CDK17: variants seen among roughly 807,000 people sequenced by gnomAD.
The protein encoded by CDK17 is cyclin dependent kinase 17.
Under a neutral mutation model 77.6 loss-of-function variants are expected in CDK17, and 24 were observed. That is an observed-to-expected ratio of 0.31 (90% CI 0.22 to 0.44). CDK17 has a LOEUF of 0.44. Ranked by LOEUF, CDK17 falls within the 20% of genes least tolerant of loss-of-function variation. The probability of loss-of-function intolerance (pLI) is 1.00; values close to 1 mark genes in which losing one functional copy is unlikely to be tolerated. For missense variants in CDK17, 429 were observed against 622.5 expected, an observed-to-expected ratio of 0.69 and a Z score of 3.31; for synonymous variants, 203 against 210.4, an observed-to-expected ratio of 0.96 and a Z score of 0.30.
At chr12:96,381,354 A>T (rs1953875888) in intron 1 of CDK17, among the ~76,000 whole-genome samples, 1 of 98,624 alleles carries the variant, frequency 1.0e-5, no homozygotes, top group Non-Finnish European at 2.0e-5. Flanking sequence ...GTACAAAACC[A>T]TTTTTTCCTA....
intron 2 of CDK17, among the ~76,000 whole-genome samples, chr12:96,329,551 C>T (rs991632077): frequency 3.3e-5 from 5 of 152,170 alleles, no homozygotes. Flanking sequence ...TCCTCCCAAA[C>T]CTGCTCTTTC....
chr12:96,335,082 T>A, intron 1 of CDK17: 1 of 604,230 alleles, frequency 1.7e-6, no homozygotes, highest in South Asian at 1.5e-5. Flanking sequence ...AGGAATTCCA[T>A]GTAACTAAAG....
chr12:96,393,499 G>A (rs1359125536), intron 1 of CDK17, among the ~76,000 whole-genome samples: 3 of 151,814 alleles, frequency 2.0e-5, no homozygotes, highest in Admixed American at 1.3e-4. Flanking sequence ...TTGGGAGGCT[G>A]AGGCAGGCAG....
intron 1 of CDK17, among the ~76,000 whole-genome samples, chr12:96,361,056 G>T (rs149529116): frequency 2.0e-5 from 3 of 152,306 alleles, no homozygotes; most frequent in Middle Eastern, 3.4e-3. Flanking sequence ...AAAACTCAGA[G>T]GCTTGAAGGA....
intron 2 of CDK17, among the ~76,000 whole-genome samples, chr12:96,334,403 T>A (rs571721101): frequency 1.3e-5 from 2 of 152,284 alleles, no homozygotes; most frequent in African/African-American, 4.8e-5. Flanking sequence ...ATAAAAAAAA[T>A]TAATAGTTAT....
intron 10 of CDK17, among the ~76,000 whole-genome samples, chr12:96,294,090 A>ATT (rs1838011969): frequency 6.6e-6 from 1 of 152,204 alleles, no homozygotes; most frequent in Non-Finnish European, 1.5e-5. Context: ...GTGCACTCAA[A>ATT]TAATCACATG....
chr12:96,324,202 G>C (rs1395244223), intron 2 of CDK17, 90 bp from the exon 3 acceptor site: 2 of 942,152 alleles, frequency 2.1e-6, no homozygotes, highest in Admixed American at 3.1e-5. Context: ...ACAAAAAGTT[G>C]TAACAGAGAT....
chr12:96,373,504 G>A (rs1953727130), intron 1 of CDK17, among the ~76,000 whole-genome samples: 1 of 152,158 alleles, frequency 6.6e-6, no homozygotes, highest in Non-Finnish European at 1.5e-5. Flanking sequence ...TGAGGCAGGG[G>A]AATCACTTTG....
chr12:96,317,132 A>G (rs1952741475), intron 3 of CDK17, among the ~76,000 whole-genome samples: 1 of 146,912 alleles, frequency 6.8e-6, no homozygotes, highest in Admixed American at 6.8e-5. Context: ...GGAGCTGAAA[A>G]CCAAGGCTCG....
rs954283140 is a variant in CDK17, at chr12:96,332,306, A to G, written c.118+2413T>C. ...ATGCATCCCCACTGTTAAGCAATGC[A>G]TGACTGTATATTCCTCCTACTCCTT... On this transcript the variant is annotated intron_variant, in intron 2 of 16. Coordinates refer to ENST00000261211, the MANE Select transcript of CDK17 (RefSeq NM_002595.5). 5.9e-5 allele frequency among the ~76,000 whole-genome samples: 9 copies of G among 152,356 alleles called. No homozygotes were observed. The South Asian group carries it at 1.7e-3, about 28-fold the overall frequency.
At chr12:96,335,150 T>C (rs1226367336) in intron 1 of CDK17, 1 of 451,278 alleles carries the variant, frequency 2.2e-6, no homozygotes, top group African/African-American at 2.0e-5. Context: ...TCTTAAAATG[T>C]GTATTTTAAA....
At chr12:96,367,725 T>C (rs1953610738) in intron 1 of CDK17, among the ~76,000 whole-genome samples, 1 of 151,884 alleles carries the variant, frequency 6.6e-6, no homozygotes, top group Admixed American at 6.6e-5. Flanking sequence ...GTAAAACTTT[T>C]ATATTAATGA....
At chr12:96,394,598 T>C (rs1031626302) in intron 1 of CDK17, among the ~76,000 whole-genome samples, 2 of 151,960 alleles carry the variant, frequency 1.3e-5, no homozygotes, top group Non-Finnish European at 2.9e-5. Flanking sequence ...ACAGATCACC[T>C]GAGGTCAGGA....
At chr12:96,386,534 G>GT (rs1402575021) in intron 1 of CDK17, among the ~76,000 whole-genome samples, 4 of 151,946 alleles carry the variant, frequency 2.6e-5, no homozygotes, top group African/African-American at 4.8e-5. Context: ...GGCGGCACCT[G>GT]TAAGTCCCAG....
intron 12 of CDK17, 58 bp downstream of exon 12, chr12:96,286,606 C>A: frequency 8.6e-7 from 1 of 1,165,542 alleles, no homozygotes; most frequent in Non-Finnish European, 1.3e-6. Context: ...GAGATACAGT[C>A]TTATCCAGCT....
intron 1 of CDK17, among the ~76,000 whole-genome samples, chr12:96,350,420 T>C (rs572840424): frequency 6.6e-6 from 1 of 151,360 alleles, no homozygotes; most frequent in Non-Finnish European, 1.5e-5. Flanking sequence ...TTGAATAGTT[T>C]TGAACTAGAA....
chr12:96,347,295 G>A (rs1953229271), intron 1 of CDK17, among the ~76,000 whole-genome samples: 2 of 151,970 alleles, frequency 1.3e-5, no homozygotes, highest in Admixed American at 1.3e-4. Flanking sequence ...TGGGTGTGGT[G>A]GCTCATGCCT....
At chr12:96,372,011 T>TGTGTGTG in intron 1 of CDK17, among the ~76,000 whole-genome samples, 1 of 9,134 alleles carries the variant, frequency 1.1e-4, no homozygotes, top group African/African-American at 2.8e-4. Flanking sequence ...GAGTGTGTGT[T>TGTGTGTG]TGTGTGTGTG....
chr12:96,363,139 T>C (rs183888614), intron 1 of CDK17, among the ~76,000 whole-genome samples: 1 of 152,010 alleles, frequency 6.6e-6, no homozygotes, highest in Admixed American at 6.6e-5. Flanking sequence ...AAACAAGTCA[T>C]CAATTAGCAT....
Sources: gnomAD v4.1 joint callset for allele counts (sites outside exome capture counted in the v4.1 genomes callset) on GRCh38, gnomAD v4.1.1 for gene constraint, MANE v1.5 for transcripts, NCBI Gene and HGNC (gene_info 2026-07-23, HGNC 2026-07-21) for gene names.